Variants in SPTA1 observed in about 807,000 individuals in gnomAD.
SPTA1 encodes the protein spectrin alpha, erythrocytic 1.
In SPTA1, 177 loss-of-function variants were observed where a neutral mutation model predicts 324.7. The ratio of observed to expected loss-of-function variants is 0.55; its 90% confidence interval spans 0.48 to 0.62. The LOEUF is 0.62. Ranked by LOEUF, SPTA1 falls within the 20% of genes least tolerant of loss-of-function variation. SPTA1 has a pLI of 0.00. For synonymous variants in SPTA1, 1,195 were observed against 1,041.3 expected (o/e 1.15, Z -2.84); for missense variants, 3,162 against 2,883.6 (o/e 1.10, Z -2.21).
At chr1:158,635,803 A>G (rs970395508) in intron 38 of SPTA1, 110 bp downstream of exon 38, 79 of 1,500,872 alleles carry the variant, frequency 5.3e-5, no homozygotes, top group Non-Finnish European at 7.4e-6. Context: ...GGAGATAGAT[A>G]GGTAGTTGGG....
At chr1:158,670,113 T>A (rs562658491) in intron 12 of SPTA1, among the ~76,000 whole-genome samples, 1 of 152,330 alleles carries the variant, frequency 6.6e-6, no homozygotes, top group South Asian at 2.1e-4. Context: ...CCATGGCCAG[T>A]CTGTCCATCC....
Position 158,666,508 on chromosome 1 carries a change from A to C in SPTA1, c.2039-11T>G. 6.2e-7 allele frequency: 1 copy of C among 1,605,324 alleles called. No individual in the cohort carries two copies. Among genetic ancestry groups the C allele is most frequent in the South Asian group, 1.1e-5 (1 of 91,038 alleles). On this transcript the variant is annotated splice_polypyrimidine_tract_variant and intron_variant, in intron 15 of 51. Coordinates refer to ENST00000643759, the MANE Select transcript of SPTA1 (RefSeq NM_003126.4). ...CATGCAACTGGGTCCCTGGGAGAAG[A>C]CATAAGGTAGAAGACATTAGGTACC... is the stretch of plus-strand genomic sequence containing the variant.
In SPTA1 at chr1:158,615,341, G is replaced by A. The variant is rs907309999; in HGVS notation, c.6663C>T (p.Asp2221=). 1 of 1,614,090 alleles carries A rather than the reference G, an allele frequency of 6.2e-7. No homozygotes were observed. Among genetic ancestry groups the A allele is most frequent in the African/African-American group, 1.3e-5 (1 of 75,048 alleles). ...RQLTKIVDLG[D]NLEDALILDI... ...CAAGGATCAGAGCGTCTTCCAAGTTGTCCCCCAGGTCCACAATCTTGGTTA... is the reference window on the plus strand; with the variant it reads ...CAAGGATCAGAGCGTCTTCCAAGTTATCCCCCAGGTCCACAATCTTGGTTA... Residue 2221 remains aspartate (D), a synonymous_variant, in exon 48 of 52, where the codon GAC becomes GAT. Transcript: ENST00000643759.
At chr1:158,623,214 G>A (rs372295355) in intron 42 of SPTA1, 22 bp from the exon 43 acceptor site, 1 of 1,606,810 alleles carries the variant, frequency 6.2e-7, no homozygotes, top group Non-Finnish European at 8.5e-7. Flanking sequence ...CAGGAGAGAG[G>A]CCGTGAACAA....
intron 10 of SPTA1, among the ~76,000 whole-genome samples, chr1:158,673,490 G>A (rs78890842): frequency 0.021 from 3,251 of 152,262 alleles, 120 homozygotes; most frequent in African/African-American, 0.074. Flanking sequence ...TTCATTCAGT[G>A]GAATGCTGGG....
At chr1:158,640,910 A>G (rs369801963) in intron 33 of SPTA1, among the ~76,000 whole-genome samples, 12 of 152,192 alleles carry the variant, frequency 7.9e-5, no homozygotes, top group Non-Finnish European at 1.8e-4. Flanking sequence ...TTCAAACTAT[A>G]CTACAAGGCT....
At chr1:158,649,994 A>G (rs1337466356) in intron 24 of SPTA1, 47 bp from the exon 25 acceptor site, 14 of 1,325,068 alleles carry the variant, frequency 1.1e-5, no homozygotes, top group Non-Finnish European at 1.5e-5. Context: ...ACTAACTCAC[A>G]TGGCTCAGTG....
chr1:158,672,333 T>TGGCCGGGCGCGGTGGCTC, intron 10 of SPTA1, 137 bp from the exon 11 acceptor site: 5 of 842,174 alleles, frequency 5.9e-6, no homozygotes, highest in Non-Finnish European at 9.3e-6. Flanking sequence ...TTCCAACTTT[T>TGGCCGGGCGCGGTGGCTC]AAGCAAATGA....
At position 158,678,438 on chromosome 1, in the gene SPTA1, C is replaced by A. The variant is rs187932146; in HGVS notation, c.775G>T (p.Ala259Ser). 6.2e-7 allele frequency: 1 copy of A among 1,613,758 alleles called. No individual in the cohort carries two copies. ...TGTAAGTTTGCAGCATTGGACAGAGCTTTCTGTCTCTGGAGAGCCAAACCA... is the reference window on the plus strand; with the variant it reads ...TGTAAGTTTGCAGCATTGGACAGAGATTTCTGTCTCTGGAGAGCCAAACCA... ...LRGLALQRQK[A>S]LSNAANLQRF... The change falls in exon 6 of 52, where the codon GCT (alanine) becomes TCT (serine). Residue 259 changes from alanine (A) to serine (S), a missense_variant. Coordinates refer to ENST00000643759, the MANE Select transcript of SPTA1 (RefSeq NM_003126.4).
intron 27 of SPTA1, 84 bp from the exon 28 acceptor site, chr1:158,645,678 A>G (rs573138803): frequency 2.1e-6 from 3 of 1,416,758 alleles, no homozygotes; most frequent in African/African-American, 1.4e-5. Flanking sequence ...TCCATTCTCT[A>G]GAAAACATTT....
At chr1:158,674,106 T>C (rs376306285) in intron 10 of SPTA1, among the ~76,000 whole-genome samples, 2 of 152,180 alleles carry the variant, frequency 1.3e-5, no homozygotes, top group Non-Finnish European at 1.5e-5. Flanking sequence ...TTCTTGAGCA[T>C]CTGCAGATTT....
Position 158,648,517 on chromosome 1 carries a change from C to T in SPTA1, c.3706G>A (p.Gly1236Arg), listed in dbSNP as rs1246616441. ...TGAAGGACTTGTCTCACCTTATCTCCCAGGGGTACGAGGTCCCTTTCAAAG... is the reference window on the plus strand; with the variant it reads ...TGAAGGACTTGTCTCACCTTATCTCTCAGGGGTACGAGGTCCCTTTCAAAG... The part of the protein sequence containing the change: ...EGFERDLVPL[G>R]DKVTILGETA... Residue 1236 changes from glycine (G) to arginine (R), a missense_variant, in exon 26 of 52, where the codon GGA becomes AGA. Gly to Arg is a moderately radical substitution (Grantham distance 125). Coordinates refer to ENST00000643759, the MANE Select transcript of SPTA1 (RefSeq NM_003126.4). 1 of 1,613,802 alleles carries T rather than the reference C, an allele frequency of 6.2e-7. No homozygotes were observed. The highest frequency in any genetic ancestry group is 8.5e-7 in the Non-Finnish European group (1 of 1,179,904).
In SPTA1 at chr1:158,666,459, C is replaced by A. The variant is rs1406343058; in HGVS notation, c.2077G>T (p.Glu693Ter). 1 of 1,612,024 alleles carries A rather than the reference C, an allele frequency of 6.2e-7. No homozygotes were observed. Among genetic ancestry groups the A allele is most frequent in the Non-Finnish European group, 8.5e-7 (1 of 1,179,954 alleles). Residue 693 changes from glutamate to a stop codon, truncating the protein, a stop_gained, in exon 16 of 52, where the codon GAA (glutamate) becomes TAA (stop). Transcript: ENST00000643759. LOFTEE classifies it high-confidence loss of function. ...LHEANQQLQF[E>*]NNAEDLQRWL... ...CGCTGCAAATCTTCTGCATTATTTT[C>A]AAATTGCAGCTGCTGGTTGGCCTCA... is the stretch of plus-strand genomic sequence containing the variant.
At chr1:158,657,721 G>A (rs760954288) in intron 18 of SPTA1, 27 bp from the exon 19 acceptor site, 7 of 1,606,318 alleles carry the variant, frequency 4.4e-6, no homozygotes, top group East Asian at 2.2e-5. Context: ...GAAAAGGTGA[G>A]TATGATCCTC....
intron 3 of SPTA1, 86 bp downstream of exon 3, chr1:158,683,285 C>T: frequency 1.9e-6 from 3 of 1,594,840 alleles, no homozygotes; most frequent in South Asian, 1.1e-5. Context: ...AAGCCAGCCA[C>T]TCAAGGTTTA....
Position 158,638,248 on chromosome 1 carries a change from A to G in SPTA1, c.4981-7T>C. 6.2e-7 allele frequency: 1 copy of G among 1,610,102 alleles called. No homozygotes were observed. The highest frequency in any genetic ancestry group is 8.5e-7 in the Non-Finnish European group (1 of 1,179,704). ...TCAGGTCCTTGAGTGCATCCTAGAAAGTCTCGGGATACTCAGTGAATAGTA... is the reference window on the plus strand; with the variant it reads ...TCAGGTCCTTGAGTGCATCCTAGAAGGTCTCGGGATACTCAGTGAATAGTA... On this transcript the variant is annotated splice_region_variant and splice_polypyrimidine_tract_variant and intron_variant, in intron 35 of 51. Coordinates refer to ENST00000643759, the MANE Select transcript of SPTA1 (RefSeq NM_003126.4).
intron 7 of SPTA1, among the ~76,000 whole-genome samples, chr1:158,677,404 A>G (rs563048525): frequency 6.6e-6 from 1 of 152,294 alleles, no homozygotes; most frequent in African/African-American, 2.4e-5. Flanking sequence ...CCTTGAAGGT[A>G]TATTTGTTTT....
chr1:158,622,929 A>G (rs1191464831), intron 43 of SPTA1, 54 bp downstream of exon 43: 9 of 1,461,432 alleles, frequency 6.2e-6, no homozygotes, highest in Non-Finnish European at 7.7e-6. Context: ...TCCGAATTTC[A>G]TGGCTAATAT....
rs1269353663 is a variant in SPTA1, at chr1:158,620,212, C to G, written c.6375G>C (p.Glu2125Asp). 1 of 1,613,990 alleles carries G rather than the reference C, an allele frequency of 6.2e-7. No individual in the cohort carries two copies. The highest frequency in any genetic ancestry group is 8.5e-7 in the Non-Finnish European group (1 of 1,180,018). Residue 2125 changes from glutamate (E) to aspartate (D), a missense_variant, in exon 44 of 52, where the codon GAG becomes GAC. Glu to Asp is a conservative substitution (Grantham distance 45, BLOSUM62 2). Coordinates refer to ENST00000643759, the MANE Select transcript of SPTA1 (RefSeq NM_003126.4). ...GGTGCTTCCAGGTCCTTTCCAGCACCTCCACTGTTAACCAGGTATAAGGGC... is the reference window on the plus strand; with the variant it reads ...GGTGCTTCCAGGTCCTTTCCAGCACGTCCACTGTTAACCAGGTATAAGGGC... ...PSSPYTWLTV[E>D]VLERTWKHLS...
Sources: allele counts gnomAD v4.1 joint callset (sites outside exome capture counted in the v4.1 genomes callset), GRCh38; gene constraint gnomAD v4.1.1; transcripts MANE v1.5; gene names NCBI Gene and HGNC (gene_info 2026-07-23, HGNC 2026-07-21).